KBTBD3: variants seen among roughly 807,000 people sequenced by gnomAD.
KBTBD3 encodes the protein kelch repeat and BTB domain-containing protein 3.
In KBTBD3, 38 loss-of-function variants were observed where a neutral mutation model predicts 49.6. That is an observed-to-expected ratio of 0.77 (90% CI 0.59 to 1.00). KBTBD3 has a LOEUF of 1.00. KBTBD3 is among the 50% of genes least tolerant of loss of function. The pLI is 0.00. For missense variants in KBTBD3, 661 were observed against 712.0 expected, an observed-to-expected ratio of 0.93 and a Z score of 0.81; for synonymous variants, 214 against 250.4, an observed-to-expected ratio of 0.85 and a Z score of 1.37.
chr11:106,071,880 A>G (rs1860923974), intron 2 of KBTBD3, among the ~76,000 whole-genome samples: 1 of 152,192 alleles, frequency 6.6e-6, no homozygotes, highest in African/African-American at 2.4e-5. Context: ...TCGTCAAATT[A>G]TATGTAAATA....
intron 3 of KBTBD3, among the ~76,000 whole-genome samples, chr11:106,057,222 G>A (rs1489507427): frequency 1.3e-5 from 2 of 152,142 alleles, no homozygotes; most frequent in African/African-American, 4.8e-5. Context: ...AGGCAATAAG[G>A]ATGAGATCTA....
intron 2 of KBTBD3, among the ~76,000 whole-genome samples, chr11:106,065,310 T>G (rs1484499807): frequency 3.3e-5 from 5 of 152,162 alleles, no homozygotes; most frequent in Non-Finnish European, 1.5e-5. Flanking sequence ...CCGGCCTGTT[T>G]TTGTTCTATA....
intron 2 of KBTBD3, among the ~76,000 whole-genome samples, chr11:106,074,115 C>G (rs910740974): frequency 5.4e-4 from 45 of 83,790 alleles, no homozygotes; most frequent in African/African-American, 1.2e-3. Context: ...GCCGAACACC[C>G]CCCCCCACAC....
rs554428917 is a variant in KBTBD3, at chr11:106,054,375, G to A, written c.314C>T (p.Ala105Val). The change falls in exon 4 of 4, where the codon GCA becomes GTA. Residue 105 changes from alanine to valine, a missense_variant. Coordinates refer to ENST00000531837, the MANE Select transcript of KBTBD3 (RefSeq NM_198439.3). ...ITNLSSKAVKAFLDYAYTGKT... is the reference protein window; with the variant it reads ...ITNLSSKAVKVFLDYAYTGKT... ...TCCAGTATAGGCATAATCGAGAAAT[G>A]CTTTTACTGCCTTGGAGGACAAATT... The A allele has an allele frequency of 2.5e-6, 4 of 1,610,446 alleles. No individual in the cohort carries two copies. The Admixed American group carries it at 6.7e-5, about 27-fold the overall frequency.
At chr11:106,054,546 A>C in intron 3 of KBTBD3, 91 bp from the exon 4 acceptor site, 2 of 865,320 alleles carry the variant, frequency 2.3e-6, no homozygotes, top group Middle Eastern at 4.0e-4. Context: ...CTTACTCTTG[A>C]CTTAAATATA....
chr11:106,057,422 T>C (rs766431585), intron 3 of KBTBD3: 2 of 152,142 alleles, frequency 1.3e-5, no homozygotes, highest in Non-Finnish European at 2.9e-5. Flanking sequence ...TAATGCAAAA[T>C]ATTGCAATTA....
Position 106,053,034 on chromosome 11 carries a change from T to C in KBTBD3, c.1655A>G (p.Lys552Arg). 1.5e-5 allele frequency: 25 copies of C among 1,613,598 alleles called. No homozygotes were observed. Among genetic ancestry groups the C allele is most frequent in the Non-Finnish European group, 2.0e-5 (24 of 1,179,694 alleles). The change falls in exon 4 of 4, where the codon AAA (lysine) becomes AGA (arginine). Residue 552 changes from lysine to arginine, a missense_variant. By Grantham distance (26) the Lys-to-Arg change is conservative (BLOSUM62 2). Coordinates refer to ENST00000531837, the MANE Select transcript of KBTBD3 (RefSeq NM_198439.3). ...ATAATCACCACCTAATATATAAATT[T>C]TATCTTCAATTCCAATTGCACCTGC... Reference protein sequence around the residue: ...FNAGAIGIEDKIYILGGDYAP... With the variant: ...FNAGAIGIEDRIYILGGDYAP...
intron 2 of KBTBD3, among the ~76,000 whole-genome samples, chr11:106,073,011 G>A (rs1432699857): frequency 6.6e-6 from 1 of 152,080 alleles, no homozygotes; most frequent in Non-Finnish European, 1.5e-5. Flanking sequence ...ATGAACAATG[G>A]GGCATTCAAT....
chr11:106,055,978 T>A (rs1219603673), intron 3 of KBTBD3, among the ~76,000 whole-genome samples: 1 of 152,210 alleles, frequency 6.6e-6, no homozygotes, highest in Non-Finnish European at 1.5e-5. Flanking sequence ...TTTACCATCT[T>A]ATCATAAAGT....
intron 2 of KBTBD3, among the ~76,000 whole-genome samples, chr11:106,070,249 T>C (rs1001033009): frequency 1.3e-5 from 2 of 152,034 alleles, no homozygotes; most frequent in Admixed American, 1.3e-4. Flanking sequence ...ATTAATAGAT[T>C]GGATTTTATA....
chr11:106,058,724 T>A lies in KBTBD3; in HGVS notation c.233+141A>T, dbSNP rs544050703. On this transcript the variant is annotated intron_variant, in intron 3 of 3. Coordinates refer to ENST00000531837, the MANE Select transcript of KBTBD3 (RefSeq NM_198439.3). Reference sequence around the variant, plus strand: ...CAGGCGTGAGCCACCGTGCCCAGCCTAATTAGGTTTTGTTTTTGTTTTTTT... The same window carrying A: ...CAGGCGTGAGCCACCGTGCCCAGCCAAATTAGGTTTTGTTTTTGTTTTTTT... 1.2e-4 allele frequency: 78 copies of A among 634,336 alleles called. No individual in the cohort carries two copies. In the African/African-American group the frequency reaches 1.5e-3, roughly 12 times the overall value. 39.3% of individuals were successfully genotyped at this position (634,336 alleles called of 1,614,324 possible). A position where few individuals can be genotyped will look rare whatever the true frequency, so the allele number is the denominator to read the frequency against.
chr11:106,058,505 C>T (rs559471119), intron 3 of KBTBD3, among the ~76,000 whole-genome samples: 31 of 152,090 alleles, frequency 2.0e-4, no homozygotes, highest in Non-Finnish European at 3.8e-4. Flanking sequence ...GCTCACCCAA[C>T]CTCAGCCTCC....
chr11:106,063,950 ATATAATGTG>A (rs1244476297), intron 2 of KBTBD3, among the ~76,000 whole-genome samples: 1 of 152,196 alleles, frequency 6.6e-6, no homozygotes, highest in Non-Finnish European at 1.5e-5. Context: ...GTAATTTAGC[ATATAATGTG>A]TGTAAAATAA....
Position 106,060,996 on chromosome 11 carries a change from T to G in KBTBD3, c.-12-1887A>C, listed in dbSNP as rs549760008. On this transcript the variant is annotated intron_variant, in intron 2 of 3. Transcript: ENST00000531837. ...AAGTGGGCAAAGAATATGACACCTCTCAAAAGAAGGATATGACACTTCTCA... is the reference window on the plus strand; with the variant it reads ...AAGTGGGCAAAGAATATGACACCTCGCAAAAGAAGGATATGACACTTCTCA... Among the ~76,000 whole-genome samples the G allele has an allele frequency of 2.0e-5, 3 of 152,204 alleles. No individual in the cohort carries two copies. In the East Asian group the frequency reaches 5.8e-4, roughly 29 times the overall value.
intron 3 of KBTBD3, among the ~76,000 whole-genome samples, chr11:106,055,503 A>G (rs537235223): frequency 1.2e-4 from 19 of 152,358 alleles, no homozygotes; most frequent in Admixed American, 5.9e-4. Flanking sequence ...CACATTACGC[A>G]GGGATTTTTA....
chr11:106,058,652 G>C (rs1860611674), intron 3 of KBTBD3: 3 of 489,046 alleles, frequency 6.1e-6, no homozygotes, highest in East Asian at 4.0e-5. Context: ...TTGAAGTCCT[G>C]ACCTCAGGTG....
chr11:106,075,761 T>G (rs908422938), intron 2 of KBTBD3, among the ~76,000 whole-genome samples: 1 of 152,110 alleles, frequency 6.6e-6, no homozygotes, highest in African/African-American at 2.4e-5. Context: ...TTCTGTTTGG[T>G]ATGAGATTTG....
intron 3 of KBTBD3, 54 bp downstream of exon 3, chr11:106,058,811 A>G (rs1860617781): frequency 9.7e-7 from 1 of 1,027,546 alleles, no homozygotes; most frequent in Admixed American, 2.5e-5. Context: ...GCAGTATAAA[A>G]TAGAACTTAA....
intron 3 of KBTBD3, chr11:106,057,490 G>A (rs1860577347): frequency 6.6e-6 from 1 of 152,198 alleles, no homozygotes; most frequent in South Asian, 2.1e-4. Context: ...TTCACCAAAA[G>A]GGGCTTGTCT....
Sources: gnomAD v4.1 joint callset for allele counts (sites outside exome capture counted in the v4.1 genomes callset) on GRCh38, gnomAD v4.1.1 for gene constraint, MANE v1.5 for transcripts, NCBI Gene and HGNC (gene_info 2026-07-23, HGNC 2026-07-21) for gene names.